STXBP5L: variants seen among roughly 807,000 people sequenced by gnomAD.
STXBP5L encodes the protein syntaxin binding protein 5L.
In STXBP5L, 65 loss-of-function variants were observed where a neutral mutation model predicts 144.5. The ratio of observed to expected loss-of-function variants is 0.45; its 90% confidence interval spans 0.37 to 0.55. STXBP5L has a LOEUF of 0.55. STXBP5L is among the 20% of genes least tolerant of loss of function. The pLI is 0.00. For synonymous variants in STXBP5L, 505 were observed against 469.6 expected (o/e 1.08, Z -0.97); for missense variants, 1,298 against 1,405.5 (o/e 0.92, Z 1.22).
chr3:121,265,639 G>T (rs1350741289), intron 18 of STXBP5L, among the ~76,000 whole-genome samples: 1 of 152,100 alleles, frequency 6.6e-6, no homozygotes, highest in Non-Finnish European at 1.5e-5. Flanking sequence ...AACTGAAGGT[G>T]ATAGAGACAT....
chr3:121,272,088 G>A (rs977394048), intron 18 of STXBP5L, among the ~76,000 whole-genome samples: 8 of 152,186 alleles, frequency 5.3e-5, no homozygotes, highest in African/African-American at 1.7e-4. Flanking sequence ...GGAGAAGAAT[G>A]TGTATTCTTC....
intron 5 of STXBP5L, among the ~76,000 whole-genome samples, chr3:121,052,056 C>A (rs541844045): frequency 1.3e-5 from 2 of 152,204 alleles, no homozygotes; most frequent in Non-Finnish European, 2.9e-5. Flanking sequence ...CTGAATAGAC[C>A]AATAAGAGGT....
intron 20 of STXBP5L, among the ~76,000 whole-genome samples, chr3:121,347,707 C>A (rs999336714): frequency 1.2e-4 from 18 of 151,330 alleles, no homozygotes; most frequent in African/African-American, 4.4e-4. Context: ...GTATTTTATT[C>A]TCTTTGAAGC....
At chr3:121,050,847 G>A (rs1044297328) in intron 5 of STXBP5L, among the ~76,000 whole-genome samples, 8 of 152,094 alleles carry the variant, frequency 5.3e-5, no homozygotes, top group African/African-American at 1.4e-4. Flanking sequence ...CCCATCTCAT[G>A]TGCAGAGACA....
intron 3 of STXBP5L, among the ~76,000 whole-genome samples, chr3:120,986,310 G>T (rs1003464007): frequency 2.0e-5 from 3 of 151,872 alleles, no homozygotes; most frequent in Non-Finnish European, 4.4e-5. Flanking sequence ...CCTAACGTAT[G>T]ATCTGTCCTG....
Position 120,909,762 on chromosome 3 carries a change from T to C in STXBP5L, c.184T>C (p.Cys62Arg). 1 of 1,611,618 alleles carries C rather than the reference T, an allele frequency of 6.2e-7. No individual in the cohort carries two copies. Among genetic ancestry groups the C allele is most frequent in the Non-Finnish European group, 8.5e-7 (1 of 1,179,366 alleles). The change falls in exon 2 of 27, where the codon TGC becomes CGC. Residue 62 changes from cysteine (C) to arginine (R), a missense_variant. Transcript: ENST00000471454. Reference protein sequence around the residue: ...ETLTSEYFQICKTVRHGFPHQ... With the variant: ...ETLTSEYFQIRKTVRHGFPHQ... ...TTTGACTTCGGAGTATTTCCAGATT[T>C]GCAAGGTAAGTTTTGAATTGGCTTA...
intron 20 of STXBP5L, among the ~76,000 whole-genome samples, chr3:121,358,173 T>C (rs1159976795): frequency 6.6e-6 from 1 of 152,154 alleles, no homozygotes; most frequent in Non-Finnish European, 1.5e-5. Flanking sequence ...TTGACTGTAG[T>C]CACCCTATTG....
intron 20 of STXBP5L, among the ~76,000 whole-genome samples, chr3:121,333,364 A>T (rs1191152494): frequency 6.6e-6 from 1 of 152,156 alleles, no homozygotes; most frequent in East Asian, 1.9e-4. Context: ...TCTCTGGGAC[A>T]CGGCTAAGTC....
At chr3:121,409,965 A>G (rs1043356015) in intron 23 of STXBP5L, among the ~76,000 whole-genome samples, 1 of 151,094 alleles carries the variant, frequency 6.6e-6, no homozygotes, top group African/African-American at 2.4e-5. Context: ...TTTTTTTTAG[A>G]TAGGGAAAAT....
chr3:121,335,401 T>C (rs965254955), intron 20 of STXBP5L, among the ~76,000 whole-genome samples: 1 of 151,796 alleles, frequency 6.6e-6, no homozygotes, highest in African/African-American at 2.4e-5. Flanking sequence ...TAGAGATTCA[T>C]TACTGTCAAA....
intron 5 of STXBP5L, among the ~76,000 whole-genome samples, chr3:121,052,650 G>A (rs1435299636): frequency 6.6e-6 from 1 of 152,136 alleles, no homozygotes; most frequent in East Asian, 1.9e-4. Flanking sequence ...TATTGAATGG[G>A]CAAAAACTGG....
At chr3:121,276,230 GATAA>G (rs2050881663) in intron 18 of STXBP5L, among the ~76,000 whole-genome samples, 5 of 151,722 alleles carry the variant, frequency 3.3e-5, no homozygotes, top group Admixed American at 3.3e-4. Context: ...CAAATAAGTA[GATAA>G]ATAAATGGAA....
In STXBP5L at chr3:120,926,475, A is replaced by T. The variant is rs190185937; in HGVS notation, c.189+16708A>T. ...CGTATTTTCTCTTGCTGCTTTTAGG[A>T]TCCTCTCTCTGTCTTTGACTATTGA... On this transcript the variant is annotated intron_variant, in intron 2 of 26. Transcript: ENST00000471454. 2.5e-3 allele frequency among the ~76,000 whole-genome samples: 369 copies of T among 150,428 alleles called. 7 individuals carry two copies. Among genetic ancestry groups the T allele is most frequent in the Non-Finnish European group, 1.9e-3 (132 of 67,810 alleles).
At chr3:121,179,964 A>G (rs1228390967) in intron 9 of STXBP5L, among the ~76,000 whole-genome samples, 1 of 152,182 alleles carries the variant, frequency 6.6e-6, no homozygotes, top group African/African-American at 2.4e-5. Flanking sequence ...CCTAAGAATA[A>G]TTGGTGTTCC....
intron 19 of STXBP5L, among the ~76,000 whole-genome samples, chr3:121,309,080 A>G (rs1169299820): frequency 6.6e-6 from 1 of 152,112 alleles, no homozygotes; most frequent in African/African-American, 2.4e-5. Context: ...ACAAAGCAGT[A>G]AAAGACTAGA....
At chr3:121,095,849 G>A (rs2043093429) in intron 5 of STXBP5L, among the ~76,000 whole-genome samples, 2 of 152,128 alleles carry the variant, frequency 1.3e-5, no homozygotes, top group South Asian at 2.1e-4. Flanking sequence ...TCCTTTGGAG[G>A]GGGAGAGGCA....
At chr3:120,939,251 T>C (rs1710431657) in intron 2 of STXBP5L, among the ~76,000 whole-genome samples, 1 of 152,184 alleles carries the variant, frequency 6.6e-6, no homozygotes, top group Admixed American at 6.6e-5. Context: ...GGTGCAAGGA[T>C]TGTATACATA....
At chr3:121,238,659 T>G (rs2049565379) in intron 12 of STXBP5L, among the ~76,000 whole-genome samples, 2 of 152,158 alleles carry the variant, frequency 1.3e-5, no homozygotes, top group African/African-American at 4.8e-5. Flanking sequence ...CTAAGTAAAC[T>G]TGTTATATAA....
At chr3:121,187,801 CAT>C (rs1472305366) in intron 9 of STXBP5L, among the ~76,000 whole-genome samples, 1 of 151,292 alleles carries the variant, frequency 6.6e-6, no homozygotes, top group Non-Finnish European at 1.5e-5. Flanking sequence ...AGACCCATCT[CAT>C]GTGCAAAAAC....
Sources: gnomAD v4.1 joint callset for allele counts (sites outside exome capture counted in the v4.1 genomes callset) on GRCh38, gnomAD v4.1.1 for gene constraint, MANE v1.5 for transcripts, NCBI Gene and HGNC (gene_info 2026-07-23, HGNC 2026-07-21) for gene names.